Variants in SHISAL2A observed in about 807,000 individuals in gnomAD.
The protein encoded by SHISAL2A is protein shisa-like-2A.
In SHISAL2A, 18 loss-of-function variants were observed where a neutral mutation model predicts 11.5. The ratio of observed to expected loss-of-function variants is 1.57; its 90% CI spans 1.08 to 2.33. The LOEUF (loss-of-function observed/expected upper bound fraction) is 2.33. SHISAL2A is among the 30% of genes most tolerant of loss of function. The pLI, the probability that SHISAL2A is intolerant of heterozygous loss-of-function variation, is 0.00. For missense variants in SHISAL2A, 261 were observed against 250.9 expected (o/e 1.04, Z -0.27); for synonymous variants, 94 against 99.6 (o/e 0.94, Z 0.34).
intron 5 of SHISAL2A, chr1:52,667,772 T>C (rs1022481700): frequency 6.6e-6 from 1 of 152,192 alleles, no homozygotes; most frequent in African/African-American, 2.4e-5. Flanking sequence ...GACATAGACA[T>C]GGACCATCAA....
intron 1 of SHISAL2A, among the ~76,000 whole-genome samples, chr1:52,639,360 T>C (rs1359149825): frequency 1.3e-5 from 2 of 152,186 alleles, no homozygotes; most frequent in African/African-American, 4.8e-5. Flanking sequence ...TGTATACTTA[T>C]TTAGTTAAAT....
chr1:52,665,737 C>G (rs1691998535), intron 4 of SHISAL2A, among the ~76,000 whole-genome samples: 1 of 151,590 alleles, frequency 6.6e-6, no homozygotes, highest in Non-Finnish European at 1.5e-5. Flanking sequence ...CAAGCACCAT[C>G]CCCCCCCACT....
At chr1:52,642,441 T>TTC (rs1235230829) in intron 1 of SHISAL2A, among the ~76,000 whole-genome samples, 1 of 151,710 alleles carries the variant, frequency 6.6e-6, no homozygotes, top group African/African-American at 2.4e-5. Flanking sequence ...TTTTTTTTTT[T>TTC]TTGAGATGGA....
downstream of SHISAL2A, among the ~76,000 whole-genome samples, chr1:52,657,526 T>C (rs75040806): frequency 8.5e-5 from 13 of 152,226 alleles, no homozygotes; most frequent in East Asian, 2.5e-3. Context: ...GTCATTCTAT[T>C]TCTTAGGTAG....
intron 4 of SHISAL2A, among the ~76,000 whole-genome samples, chr1:52,664,270 A>G (rs1391732506): frequency 6.6e-6 from 1 of 151,440 alleles, no homozygotes; most frequent in African/African-American, 2.4e-5. Context: ...CGCTCGCTGC[A>G]AGCTCTGCCT....
rs1691178362 is a variant in SHISAL2A, at chr1:52,633,616, C to T, written c.123C>T (p.Tyr41=). Residue 41 remains tyrosine, a synonymous_variant, in exon 1 of 3, where the codon TAC becomes TAT. Coordinates refer to ENST00000517870, the MANE Select transcript of SHISAL2A (RefSeq NM_001042693.3). This position sits in a 1 kb window ranked among gnomAD's most constrained non-coding sequence, Gnocchi z 6.4. The part of the protein sequence containing the change: ...VFCCGFRDHK[Y]CCDDPHSFFP... ...GCTGCGGCTTCCGCGACCACAAGTA[C>T]TGCTGCGACGACCCGCACAGCTTCT... The T allele has an allele frequency of 6.2e-7, 1 of 1,613,014 alleles. No individual in the cohort carries two copies. The highest frequency in any genetic ancestry group is 8.5e-7 in the Non-Finnish European group (1 of 1,179,600).
Position 52,633,868 on chromosome 1 carries a change from A to G in SHISAL2A, c.182+193A>G, listed in dbSNP as rs989410170. ...CGATTTCCTCATCCTGACCCCAACC[A>G]TTATTTAGAGCCATGCTCGGACCTC... On this transcript the variant is annotated intron_variant, in intron 1 of 2. Transcript: ENST00000517870. The surrounding 1 kb of genome is among the most constrained non-coding windows in gnomAD (Gnocchi z 6.4). Among the ~76,000 whole-genome samples, 1 of 151,618 alleles carries G rather than the reference A, an allele frequency of 6.6e-6. No individual in the cohort carries two copies. Among genetic ancestry groups the G allele is most frequent in the African/African-American group, 2.4e-5 (1 of 41,238 alleles).
downstream of SHISAL2A, among the ~76,000 whole-genome samples, chr1:52,658,422 A>T (rs1183978703): frequency 3.3e-5 from 5 of 152,212 alleles, no homozygotes; most frequent in African/African-American, 1.2e-4. Context: ...ATGGACAATA[A>T]CAGTAAACTA....
intron 4 of SHISAL2A, among the ~76,000 whole-genome samples, chr1:52,664,195 CT>C (rs34583856): frequency 0.45 from 65,009 of 143,904 alleles, 16,217 homozygotes; most frequent in African/African-American, 0.71. Context: ...AATTTTTATT[CT>C]TTTTTTTTTT....
intron 4 of SHISAL2A, among the ~76,000 whole-genome samples, chr1:52,666,578 A>ATG (rs1692017106): frequency 6.9e-6 from 1 of 145,914 alleles, no homozygotes; most frequent in South Asian, 2.2e-4. Context: ...TTCTGTGCAC[A>ATG]CGCGCGTGTG....
rs888120424 is a variant in SHISAL2A, at chr1:52,633,769, A to G, written c.182+94A>G. ...CCCCCACCCGAGTGTCCACCTGAAC[A>G]TCAGCAGCAAGCTCTAGTCCTTACC... On this transcript the variant is annotated intron_variant, in intron 1 of 2. Coordinates refer to ENST00000517870, the MANE Select transcript of SHISAL2A (RefSeq NM_001042693.3). This position sits in a 1 kb window ranked among gnomAD's most constrained non-coding sequence, Gnocchi z 6.4. The G allele has an allele frequency of 8.8e-6, 9 of 1,026,982 alleles. No homozygotes were observed. The highest frequency in any genetic ancestry group is 1.4e-5 in the South Asian group (1 of 73,254). 63.6% of individuals were successfully genotyped at this position (1,026,982 alleles called of 1,614,324 possible).
In SHISAL2A at chr1:52,633,490, C is replaced by A; in HGVS notation, c.-4C>A. 5 of 1,494,876 alleles carry A rather than the reference C, an allele frequency of 3.3e-6. No homozygotes were observed. Among genetic ancestry groups the A allele is most frequent in the Non-Finnish European group, 3.5e-6 (4 of 1,128,782 alleles). 92.6% of individuals were successfully genotyped at this position (1,494,876 alleles called of 1,614,324 possible). ...AGGTGGCGGCGGGCTGGGCGCGGGG[C>A]GCGATGAGCGGCGCCTGCACGAGCT... is the stretch of plus-strand genomic sequence containing the variant. On this transcript the variant is annotated 5_prime_UTR_variant, in exon 1 of 3. Transcript: ENST00000517870. This position sits in a 1 kb window ranked among gnomAD's most constrained non-coding sequence, Gnocchi z 6.4.
intron 4 of SHISAL2A, among the ~76,000 whole-genome samples, chr1:52,662,145 CCAAA>C (rs551011927): frequency 1.6e-4 from 24 of 152,058 alleles, no homozygotes; most frequent in Non-Finnish European, 3.1e-4. Context: ...GAGAGAGATC[CCAAA>C]CAAATGCCAA....
At chr1:52,644,805 C>T (rs1691458198) in intron 2 of SHISAL2A, among the ~76,000 whole-genome samples, 1 of 152,042 alleles carries the variant, frequency 6.6e-6, no homozygotes, top group Non-Finnish European at 1.5e-5. Flanking sequence ...ATCACAAGAT[C>T]AGGAGATCGA....
chr1:52,644,699 G>A (rs1007167531), intron 2 of SHISAL2A, among the ~76,000 whole-genome samples: 2 of 151,196 alleles, frequency 1.3e-5, no homozygotes, highest in African/African-American at 4.9e-5. Context: ...ACTCCAGCCT[G>A]GGAGACAGAG....
At chr1:52,632,961 C>A (rs1330953872), upstream of SHISAL2A, among the ~76,000 whole-genome samples, 2 of 152,140 alleles carry the variant, frequency 1.3e-5, no homozygotes, top group Non-Finnish European at 2.9e-5. Flanking sequence ...CTGACCCCGC[C>A]GTGTGGTCGC....
At position 52,633,570 on chromosome 1, in the gene SHISAL2A, G is replaced by T. The variant is rs182623287; in HGVS notation, c.77G>T (p.Gly26Val). Reference protein sequence around the residue: ...VRGFSCPRPGGEAAAVFCCGF... With the variant: ...VRGFSCPRPGVEAAAVFCCGF... ...GGCTTCAGCTGCCCGCGGCCGGGGG[G>T]CGAGGCGGCCGCTGTCTTCTGCTGC... is the stretch of plus-strand genomic sequence containing the variant. Residue 26 changes from glycine to valine, a missense_variant, in exon 1 of 3, where the codon GGC becomes GTC. Physicochemically the swap from Gly to Val is moderately radical, Grantham distance 109. Coordinates refer to ENST00000517870, the MANE Select transcript of SHISAL2A (RefSeq NM_001042693.3). The surrounding 1 kb of genome is among the most constrained non-coding windows in gnomAD (Gnocchi z 6.4). 8 of 1,611,286 alleles carry T rather than the reference G, an allele frequency of 5.0e-6. No individual in the cohort carries two copies. Among genetic ancestry groups the T allele is most frequent in the African/African-American group, 4.0e-5 (3 of 74,764 alleles).
At chr1:52,667,377 C>T in intron 4 of SHISAL2A, 1 of 983,848 alleles carries the variant, frequency 1.0e-6, no homozygotes, top group Non-Finnish European at 1.2e-6. Context: ...AAGATTTGTT[C>T]ACATTCTCTA....
upstream of SHISAL2A, among the ~76,000 whole-genome samples, chr1:52,632,968 T>C (rs1691158379): frequency 6.6e-6 from 1 of 151,748 alleles, no homozygotes; most frequent in Non-Finnish European, 1.5e-5. Context: ...CGCCGTGTGG[T>C]CGCCGGCTGG....
Sources: gnomAD v4.1 joint callset for allele counts (sites outside exome capture counted in the v4.1 genomes callset) on GRCh38, gnomAD v4.1.1 for gene constraint, Gnocchi (gnomAD v3.1) non-coding constraint, MANE v1.5 for transcripts, NCBI Gene and HGNC (gene_info 2026-07-23, HGNC 2026-07-21) for gene names.